CNN3: variants seen among roughly 807,000 people sequenced by gnomAD.
The protein encoded by CNN3 is calponin-3.
In CNN3, 11 loss-of-function variants were observed where a neutral mutation model predicts 39.0. The ratio of observed to expected loss-of-function variants is 0.28; its 90% CI spans 0.18 to 0.47. CNN3 has a LOEUF of 0.47. Ranked by LOEUF, CNN3 falls within the 20% of genes least tolerant of loss-of-function variation. The pLI is 0.99. For missense variants in CNN3, 266 were observed against 403.4 expected, an observed-to-expected ratio of 0.66 and a Z score of 2.92; for synonymous variants, 101 against 138.3, an observed-to-expected ratio of 0.73 and a Z score of 1.89.
intron 1 of CNN3, among the ~76,000 whole-genome samples, chr1:94,907,248 G>C (rs1350061134): frequency 3.3e-5 from 5 of 152,140 alleles, no homozygotes; most frequent in Non-Finnish European, 5.9e-5. Context: ...GTGGGCTAAG[G>C]GTTTCCTTTA....
intron 1 of CNN3, among the ~76,000 whole-genome samples, chr1:94,921,190 T>C (rs1406246741): frequency 1.3e-5 from 2 of 152,114 alleles, no homozygotes; most frequent in Non-Finnish European, 2.9e-5. Context: ...AGGTCAGGCG[T>C]TTGAGACCAG....
chr1:94,905,336 G>A (rs1331366590), intron 1 of CNN3, among the ~76,000 whole-genome samples: 1 of 152,168 alleles, frequency 6.6e-6, no homozygotes, highest in Non-Finnish European at 1.5e-5. Flanking sequence ...TCAAGTAGGT[G>A]GAAATGTCTA....
intron 4 of CNN3, 132 bp from the exon 5 acceptor site, chr1:94,901,917 T>G: frequency 1.4e-6 from 1 of 713,176 alleles, no homozygotes; most frequent in Non-Finnish European, 2.4e-6. Context: ...TTCAATAATA[T>G]ACTGCATCAT....
At chr1:94,918,447 T>TCACACCACGGTATTCCAGCCTGGG (rs1252685185) in intron 1 of CNN3, among the ~76,000 whole-genome samples, 16 of 122,648 alleles carry the variant, frequency 1.3e-4, no homozygotes, top group African/African-American at 4.9e-4. Flanking sequence ...CGAGCCGAGA[T>TCACACCACGGTATTCCAGCCTGGG]CACACCACGG....
chr1:94,913,425 C>T (rs1458345403), intron 1 of CNN3, among the ~76,000 whole-genome samples: 1 of 152,196 alleles, frequency 6.6e-6, no homozygotes, highest in Non-Finnish European at 1.5e-5. Flanking sequence ...GTTACCTTGT[C>T]TACCTGGCCA....
In CNN3 at chr1:94,926,074, A is replaced by T. The variant is rs1056617205; in HGVS notation, c.57+764T>A. On this transcript the variant is annotated intron_variant, in intron 1 of 6. Transcript: ENST00000370206. This position sits in a 1 kb window ranked among gnomAD's most constrained non-coding sequence, Gnocchi z 4.2. ...TCCAAACTATAAGCCGCCTCAGCAAACAAGCCCCAAACAAAAGCAACCCAC... is the reference window on the plus strand; with the variant it reads ...TCCAAACTATAAGCCGCCTCAGCAATCAAGCCCCAAACAAAAGCAACCCAC... Among the ~76,000 whole-genome samples, 7 of 152,184 alleles carry T rather than the reference A, an allele frequency of 4.6e-5. No individual in the cohort carries two copies. Among genetic ancestry groups the T allele is most frequent in the African/African-American group, 1.7e-4 (7 of 41,448 alleles).
At position 94,898,021 on chromosome 1, in the gene CNN3, C is replaced by A. The variant is rs924800875; in HGVS notation, c.711G>T (p.Pro237=). 2 of 1,613,978 alleles carry A rather than the reference C, an allele frequency of 1.2e-6. No homozygotes were observed. The highest frequency in any genetic ancestry group is 2.2e-5 in the South Asian group (2 of 91,064). ...GTAGGGAAATTGTCGAGTTGTCCAC[C>A]GGCTGTAATGTTAGCTTCTGATCAT... is the stretch of plus-strand genomic sequence containing the variant. ...DIYDQKLTLQ[P]VDNSTISLQM... The change falls in exon 7 of 7, where the codon CCG becomes CCT. Residue 237 remains proline, a synonymous_variant. Transcript: ENST00000370206.
chr1:94,926,875 C>A lies in CNN3; in HGVS notation c.20G>T (p.Gly7Val). The change falls in exon 1 of 7, where the codon GGC becomes GTC. Residue 7 changes from glycine (G) to valine (V), a missense_variant. Coordinates refer to ENST00000370206, the MANE Select transcript of CNN3 (RefSeq NM_001839.5). The surrounding 1 kb of genome is among the most constrained non-coding windows in gnomAD (Gnocchi z 4.2). The stretch of plus-strand genomic sequence containing the variant: ...TTCGGCCGAGAGCCCATAGGAAGGG[C>A]CCTTGTTGAAGTGGGTCATGGTGGT... MTHFNKGPSYGLSAEVK... is the reference protein window; with the variant it reads MTHFNKVPSYGLSAEVK... 3 of 1,611,080 alleles carry A rather than the reference C, an allele frequency of 1.9e-6. No homozygotes were observed. Among genetic ancestry groups the A allele is most frequent in the Non-Finnish European group, 2.5e-6 (3 of 1,178,514 alleles).
At position 94,926,981 on chromosome 1, in the gene CNN3, G is replaced by A; in HGVS notation, c.-87C>T. 2.1e-6 allele frequency: 3 copies of A among 1,416,074 alleles called. No individual in the cohort carries two copies. The highest frequency in any genetic ancestry group is 1.2e-5 in the South Asian group (1 of 80,242). The allele number at this position is 1,416,074 out of a possible 1,614,324, so 87.7% of individuals were successfully genotyped here. A position where few individuals can be genotyped will look rare whatever the true frequency, so the allele number is the denominator to read the frequency against. On this transcript the variant is annotated 5_prime_UTR_variant, in exon 1 of 7. Coordinates refer to ENST00000370206, the MANE Select transcript of CNN3 (RefSeq NM_001839.5). The surrounding 1 kb of genome is among the most constrained non-coding windows in gnomAD (Gnocchi z 4.2). ...CCGCTCCTGGCCCCGAGGAGTGGCCGCCGCGGGGGATGCTCGAACTCCCTC... is the reference window on the plus strand; with the variant it reads ...CCGCTCCTGGCCCCGAGGAGTGGCCACCGCGGGGGATGCTCGAACTCCCTC...
At chr1:94,907,794 G>A (rs60047148) in intron 1 of CNN3, among the ~76,000 whole-genome samples, 5,607 of 152,256 alleles carry the variant, frequency 0.037, 250 homozygotes, top group African/African-American at 0.1. Context: ...CGGGAGGCGG[G>A]GCTTGCAGTG....
intron 1 of CNN3, among the ~76,000 whole-genome samples, chr1:94,920,464 C>T (rs539824695): frequency 1.9e-4 from 29 of 152,284 alleles, no homozygotes; most frequent in African/African-American, 6.7e-4. Flanking sequence ...GCCTAATTAG[C>T]AGAGAACCAG....
chr1:94,905,188 C>A (rs772326054), intron 1 of CNN3, among the ~76,000 whole-genome samples: 4 of 152,130 alleles, frequency 2.6e-5, no homozygotes, highest in Non-Finnish European at 5.9e-5. Context: ...CTGTAAGTCA[C>A]CCAACAGTGA....
intron 2 of CNN3, 39 bp downstream of exon 2, chr1:94,903,364 T>C (rs1446714922): frequency 6.4e-7 from 1 of 1,553,964 alleles, no homozygotes; most frequent in African/African-American, 1.4e-5. Context: ...TGGAAAGAAC[T>C]GGAAGAGCAG....
intron 1 of CNN3, among the ~76,000 whole-genome samples, chr1:94,907,243 C>A (rs1671026046): frequency 6.6e-6 from 1 of 152,142 alleles, no homozygotes; most frequent in Non-Finnish European, 1.5e-5. Flanking sequence ...TTGGTGTGGG[C>A]TAAGGGTTTC....
chr1:94,907,748 T>C (rs1218068952), intron 1 of CNN3, among the ~76,000 whole-genome samples: 1 of 152,116 alleles, frequency 6.6e-6, no homozygotes, highest in Non-Finnish European at 1.5e-5. Flanking sequence ...TAGTCCCAGC[T>C]ACTTGGGAGG....
intron 1 of CNN3, among the ~76,000 whole-genome samples, chr1:94,904,945 G>C (rs1177844124): frequency 6.6e-6 from 1 of 152,178 alleles, no homozygotes; most frequent in East Asian, 1.9e-4. Flanking sequence ...ATAAGACATA[G>C]GGAGGTTTAA....
At chr1:94,914,530 G>A (rs905771051) in intron 1 of CNN3, among the ~76,000 whole-genome samples, 2 of 152,092 alleles carry the variant, frequency 1.3e-5, no homozygotes, top group Non-Finnish European at 2.9e-5. Flanking sequence ...AACACCACGC[G>A]GCTCCTTTAC....
At chr1:94,923,011 G>T (rs1671486503) in intron 1 of CNN3, among the ~76,000 whole-genome samples, 1 of 152,076 alleles carries the variant, frequency 6.6e-6, no homozygotes, top group African/African-American at 2.4e-5. Context: ...ACATACCGAG[G>T]TAAGATTATT....
intron 1 of CNN3, among the ~76,000 whole-genome samples, chr1:94,915,820 T>C (rs1445526689): frequency 6.6e-6 from 1 of 152,186 alleles, no homozygotes; most frequent in Non-Finnish European, 1.5e-5. Flanking sequence ...CGGACATCAG[T>C]GGCTCTAGCA....
Sources: gnomAD v4.1 joint callset for allele counts (sites outside exome capture counted in the v4.1 genomes callset) on GRCh38, gnomAD v4.1.1 for gene constraint, Gnocchi (gnomAD v3.1) non-coding constraint, MANE v1.5 for transcripts, NCBI Gene and HGNC (gene_info 2026-07-23, HGNC 2026-07-21) for gene names.